The following ERN2 variants were observed in gnomAD, a reference collection of about 807,000 sequenced individuals.
ERN2 encodes serine/threonine-protein kinase/endoribonuclease IRE2.
Under a neutral mutation model 107.9 loss-of-function variants are expected in ERN2, and 111 were observed. That is an observed-to-expected ratio of 1.03 (90% CI 0.88 to 1.20). The LOEUF (loss-of-function observed/expected upper bound fraction) is 1.20, where lower values mean the gene tolerates loss of function less well. Among genes scored for constraint, ERN2 ranks in the 50% most tolerant of loss-of-function variants. ERN2 has a pLI of 0.00. For synonymous variants in ERN2, 524 were observed against 501.7 expected (o/e 1.04, Z -0.59); for missense variants, 1,225 against 1,197.9 (o/e 1.02, Z -0.33).
intron 10 of ERN2, 45 bp downstream of exon 10, chr16:23,702,345 G>GTTCT: frequency 3.7e-6 from 6 of 1,611,048 alleles, no homozygotes; most frequent in Middle Eastern, 1.7e-4. Flanking sequence ...GGGCTCACAG[G>GTTCT]TTCTTTATCT....
chr16:23,701,784 C>A (rs959738060), intron 11 of ERN2, among the ~76,000 whole-genome samples: 1 of 152,004 alleles, frequency 6.6e-6, no homozygotes, highest in Non-Finnish European at 1.5e-5. Context: ...TGCACACAAC[C>A]ATTCCCCACT....
chr16:23,691,103 A>C (rs1245838831), intron 21 of ERN2, 26 bp downstream of exon 21: 2 of 1,613,752 alleles, frequency 1.2e-6, no homozygotes, highest in Non-Finnish European at 8.5e-7. Context: ...CCCAAGACCC[A>C]GGCCCACCCA....
In ERN2 at chr16:23,700,666, G is replaced by A; in HGVS notation, c.1398C>T (p.Pro466=). 2.5e-6 allele frequency: 4 copies of A among 1,613,938 alleles called. No homozygotes were observed. The highest frequency in any genetic ancestry group is 1.3e-5 in the African/African-American group (1 of 75,042). ...PQVVEKQQET[P]LAPADFAHIS... ...TGTGAGCAAAGTCTGCAGGTGCCAG[G>A]GGGGTCTCCTGCTGCTTCTCCACCA... is the stretch of plus-strand genomic sequence containing the variant. The change falls in exon 13 of 22, where the codon CCC becomes CCT. Residue 466 remains proline (P), a synonymous_variant. Transcript: ENST00000256797.
chr16:23,702,781 T>G, intron 8 of ERN2, 79 bp from the exon 9 acceptor site: 1 of 1,216,198 alleles, frequency 8.2e-7, no homozygotes, highest in Non-Finnish European at 1.2e-6. Context: ...CTCATGCCCT[T>G]GTATATTTCC....
intron 1 of ERN2, chr16:23,712,847 G>A (rs887877355): frequency 6.2e-6 from 3 of 487,436 alleles, no homozygotes; most frequent in Non-Finnish European, 1.1e-5. Flanking sequence ...CTGAAGAGGC[G>A]GGGTGCTCTG....
chr16:23,710,153 A>C lies in ERN2; in HGVS notation c.306+19T>G, dbSNP rs1960481157. ...AAGCCCTGGCTCTCACCCATTCCCGAACACCATGGGATACAAACCATTAAT... is the reference window on the plus strand; with the variant it reads ...AAGCCCTGGCTCTCACCCATTCCCGCACACCATGGGATACAAACCATTAAT... On this transcript the variant is annotated intron_variant, in intron 4 of 21. Transcript: ENST00000256797. 6 of 1,593,518 alleles carry C rather than the reference A, an allele frequency of 3.8e-6. No individual in the cohort carries two copies. The highest frequency in any genetic ancestry group is 4.3e-6 in the Non-Finnish European group (5 of 1,161,374).
chr16:23,706,895 TGGC>T, intron 5 of ERN2, 34 bp from the exon 6 acceptor site: 1 of 1,590,642 alleles, frequency 6.3e-7, no homozygotes, highest in South Asian at 1.1e-5. Context: ...GCTCTCAAGT[TGGC>T]ATGGGAAGAG....
intron 8 of ERN2, 102 bp from the exon 9 acceptor site, chr16:23,702,804 C>T (rs1960143057): frequency 1.0e-6 from 1 of 993,194 alleles, no homozygotes; most frequent in African/African-American, 1.6e-5. Context: ...CTCACATTGA[C>T]TCAGCTTAGC....
intron 17 of ERN2, among the ~76,000 whole-genome samples, chr16:23,693,478 A>G (rs779935251): frequency 4.1e-4 from 62 of 152,160 alleles, no homozygotes; most frequent in African/African-American, 1.4e-3. Context: ...AGTCCCAGCT[A>G]CTAGGGAGGC....
intron 17 of ERN2, among the ~76,000 whole-genome samples, chr16:23,694,405 G>GT (rs1959716856): frequency 6.6e-6 from 1 of 152,190 alleles, no homozygotes; most frequent in Non-Finnish European, 1.5e-5. Context: ...CATTTTGTTA[G>GT]TTCTTTGTGT....
At position 23,710,563 on chromosome 16, in the gene ERN2, G is replaced by A. The variant is rs1024569790; in HGVS notation, c.200-14C>T. On this transcript the variant is annotated splice_polypyrimidine_tract_variant and intron_variant, in intron 2 of 21. Transcript: ENST00000256797. ...CGATGACGGGATCTGCAGGGACAGG[G>A]ACACAGAACATAAGCAGTTTCCTCC... 1 of 1,614,090 alleles carries A rather than the reference G, an allele frequency of 6.2e-7. No homozygotes were observed. Among genetic ancestry groups the A allele is most frequent in the Non-Finnish European group, 8.5e-7 (1 of 1,179,988 alleles).
At chr16:23,697,369 C>A (rs1959872918) in intron 13 of ERN2, 1 of 152,108 alleles carries the variant, frequency 6.6e-6, no homozygotes, top group African/African-American at 2.4e-5. Flanking sequence ...CAGGCAGGGC[C>A]TTGCTGGAAG....
intron 4 of ERN2, chr16:23,709,790 C>A: frequency 5.1e-6 from 1 of 197,898 alleles, no homozygotes; most frequent in Non-Finnish European, 1.0e-5. Context: ...TGTGCTGAGC[C>A]CAACCTAAAT....
intron 14 of ERN2, among the ~76,000 whole-genome samples, chr16:23,695,687 C>T (rs951687117): frequency 1.4e-5 from 2 of 146,074 alleles, no homozygotes; most frequent in African/African-American, 5.2e-5. Flanking sequence ...TGAGATTGCA[C>T]CACTGCCCTC....
At chr16:23,694,330 G>T (rs996637633) in intron 17 of ERN2, among the ~76,000 whole-genome samples, 2 of 152,182 alleles carry the variant, frequency 1.3e-5, no homozygotes, top group Non-Finnish European at 2.9e-5. Flanking sequence ...CGCAGTGGTT[G>T]TGAAGCACAG....
rs1448653394 is a variant in ERN2 at position 23,702,212 on chromosome 16, C to T, written c.1143G>A (p.Gly381=). 2 of 1,614,190 alleles carry T rather than the reference C, an allele frequency of 1.2e-6. No homozygotes were observed. The highest frequency in any genetic ancestry group is 4.5e-5 in the East Asian group (2 of 44,880). The change falls in exon 11 of 22, where the codon GGG becomes GGA. Residue 381 remains glycine, a synonymous_variant. Transcript: ENST00000256797. ...TTMLRVHPTL[G]SGTAETRPPE... is the part of the protein sequence containing the mutation. ...GAGGTCTTGTCTCTGCAGTTCCACTCCCCAGGGTGGGATGGACCCTCAGCA... is the reference window on the plus strand; with the variant it reads ...GAGGTCTTGTCTCTGCAGTTCCACTTCCCAGGGTGGGATGGACCCTCAGCA...
At position 23,713,179 on chromosome 16, in the gene ERN2, A is replaced by G; in HGVS notation, c.9T>C (p.Ser3=). 1 of 1,576,902 alleles carries G rather than the reference A, an allele frequency of 6.3e-7. No individual in the cohort carries two copies. Among genetic ancestry groups the G allele is most frequent in the Middle Eastern group, 1.7e-4 (1 of 5,952 alleles). The change falls in exon 1 of 22, where the codon AGT becomes AGC. Residue 3 remains serine, a synonymous_variant. Transcript: ENST00000256797. The part of the protein sequence containing the change: MA[S]AVRGSRPWPR... Reference sequence around the variant, plus strand: ...GCCACGGCCTCGACCCCCTGACCGCACTCGCCATAGCGCCTGGGCAGCTGC... The same window carrying G: ...GCCACGGCCTCGACCCCCTGACCGCGCTCGCCATAGCGCCTGGGCAGCTGC...
intron 17 of ERN2, among the ~76,000 whole-genome samples, chr16:23,693,426 T>A (rs912029465): frequency 2.2e-4 from 33 of 150,316 alleles, no homozygotes; most frequent in Admixed American, 1.6e-3. Flanking sequence ...CCATCTCTAC[T>A]AAAAATACAA....
intron 17 of ERN2, among the ~76,000 whole-genome samples, chr16:23,693,601 A>AAAAAAT (rs1555466492): frequency 1.4e-5 from 2 of 147,788 alleles, no homozygotes; most frequent in African/African-American, 5.0e-5. Context: ...AAAAAAAAAA[A>AAAAAAT]ATATATATAT....
Sources: allele counts gnomAD v4.1 joint callset (sites outside exome capture counted in the v4.1 genomes callset), GRCh38; gene constraint gnomAD v4.1.1; transcripts MANE v1.5; gene names NCBI Gene and HGNC (gene_info 2026-07-23, HGNC 2026-07-21).